The following CRISPLD2 variants were observed in gnomAD, a reference collection of about 807,000 sequenced individuals.
The protein encoded by CRISPLD2 is cysteine-rich secretory protein LCCL domain-containing 2.
In CRISPLD2, 47 loss-of-function variants were observed where a neutral mutation model predicts 71.1. The observed-to-expected ratio is 0.66, with a 90% CI of 0.52 to 0.84. The LOEUF (loss-of-function observed/expected upper bound fraction) is 0.84. Ranked by LOEUF, CRISPLD2 falls within the 40% of genes least tolerant of loss-of-function variation. CRISPLD2 has a pLI of 0.00. For synonymous variants in CRISPLD2, 317 were observed against 250.1 expected (o/e 1.27, Z -2.52); for missense variants, 830 against 651.1 (o/e 1.27, Z -2.99).
chr16:84,884,951 C>T (rs1000259088), intron 13 of CRISPLD2, among the ~76,000 whole-genome samples: 3 of 152,210 alleles, frequency 2.0e-5, no homozygotes, highest in Non-Finnish European at 4.4e-5. Flanking sequence ...TCCTGGCGTT[C>T]CACTGGGAAA....
intron 14 of CRISPLD2, among the ~76,000 whole-genome samples, chr16:84,901,722 C>T (rs1050634417): frequency 1.6e-4 from 24 of 150,892 alleles, no homozygotes; most frequent in African/African-American, 5.9e-4. Flanking sequence ...AAGTGATCCA[C>T]CTGCCTCAAC....
At chr16:84,883,390 A>G (rs1705700080) in intron 13 of CRISPLD2, among the ~76,000 whole-genome samples, 1 of 152,212 alleles carries the variant, frequency 6.6e-6, no homozygotes, top group Non-Finnish European at 1.5e-5. Context: ...TGAGCTGCAG[A>G]CAGAAGCATC....
intron 1 of CRISPLD2, among the ~76,000 whole-genome samples, chr16:84,823,238 C>T (rs939169906): frequency 7.2e-5 from 11 of 152,156 alleles, no homozygotes; most frequent in Admixed American, 2.6e-4. Flanking sequence ...TAATAGACCA[C>T]GTTTTGTTTA....
intron 13 of CRISPLD2, among the ~76,000 whole-genome samples, chr16:84,885,367 C>T (rs913256732): frequency 2.0e-5 from 3 of 152,232 alleles, no homozygotes; most frequent in Non-Finnish European, 2.9e-5. Flanking sequence ...TAGTCTTTAG[C>T]AGGGCACAAA....
chr16:84,850,439 T>A (rs1917053597), intron 4 of CRISPLD2, 129 bp from the exon 5 acceptor site: 1 of 712,600 alleles, frequency 1.4e-6, no homozygotes, highest in Non-Finnish European at 2.5e-6. Flanking sequence ...GGTTAGGGAC[T>A]AATATCTGCT....
At position 84,885,417 on chromosome 16, in the gene CRISPLD2, AG is replaced by A. The variant is rs562151038; in HGVS notation, c.1306-3808del. On this transcript the variant is annotated intron_variant, in intron 13 of 14. Coordinates refer to ENST00000262424, the MANE Select transcript of CRISPLD2 (RefSeq NM_031476.4). ...GAGAAGTTGTGGATCTTTCCTCCAA[AG>A]GGGGAAAATGCGTCCTGGTTCAGAC... 3.7e-4 allele frequency among the ~76,000 whole-genome samples: 56 copies of A among 152,280 alleles called. 1 individual carries two copies. The highest frequency in any genetic ancestry group is 1.0e-4 in the Non-Finnish European group (7 of 68,020).
chr16:84,855,880 T>C (rs1034927145), intron 6 of CRISPLD2, among the ~76,000 whole-genome samples: 3 of 152,242 alleles, frequency 2.0e-5, no homozygotes, highest in Non-Finnish European at 2.9e-5. Flanking sequence ...AATGCTGATA[T>C]GAAGTTAATA....
chr16:84,826,420 A>T (rs1202689309), intron 1 of CRISPLD2, among the ~76,000 whole-genome samples: 1 of 152,232 alleles, frequency 6.6e-6, no homozygotes. Flanking sequence ...CCTCCTTCAG[A>T]GCACGTTTCA....
intron 11 of CRISPLD2, among the ~76,000 whole-genome samples, chr16:84,876,752 G>A (rs2244342): frequency 0.47 from 71,039 of 151,328 alleles, 19,271 homozygotes; most frequent in African/African-American, 0.75. Context: ...AGATCGTGCC[G>A]TTTCACTCCA....
At chr16:84,837,268 A>C (rs746678489) in intron 1 of CRISPLD2, among the ~76,000 whole-genome samples, 2 of 151,930 alleles carry the variant, frequency 1.3e-5, no homozygotes, top group Non-Finnish European at 2.9e-5. Flanking sequence ...AATGGAGGGG[A>C]GGTAGTTGGC....
Position 84,838,423 on chromosome 16 carries a change from G to A in CRISPLD2, c.-73G>A. ...CCACCACCCTCTGCTTCCTTTCAGAGCTCAAGCGCCCAGCTCTGCCCGAGG... is the reference window on the plus strand; with the variant it reads ...CCACCACCCTCTGCTTCCTTTCAGAACTCAAGCGCCCAGCTCTGCCCGAGG... On this transcript the variant is annotated splice_region_variant and 5_prime_UTR_variant, in exon 2 of 15. Coordinates refer to ENST00000262424, the MANE Select transcript of CRISPLD2 (RefSeq NM_031476.4). The A allele has an allele frequency of 1.3e-6, 2 of 1,555,650 alleles. No homozygotes were observed. The highest frequency in any genetic ancestry group is 1.7e-6 in the Non-Finnish European group (2 of 1,149,946).
intron 11 of CRISPLD2, among the ~76,000 whole-genome samples, chr16:84,876,474 C>G (rs578178730): frequency 2.0e-5 from 3 of 152,074 alleles, no homozygotes; most frequent in Admixed American, 1.3e-4. Flanking sequence ...GGCACTCCAG[C>G]CTGGGCGACA....
intron 7 of CRISPLD2, among the ~76,000 whole-genome samples, chr16:84,868,555 T>C (rs1463846554): frequency 6.6e-6 from 1 of 152,198 alleles, no homozygotes; most frequent in Non-Finnish European, 1.5e-5. Flanking sequence ...ACTTTCTCTC[T>C]CAAGGTTCAC....
intron 14 of CRISPLD2, among the ~76,000 whole-genome samples, chr16:84,902,140 G>A (rs1010094376): frequency 2.0e-5 from 3 of 151,958 alleles, no homozygotes; most frequent in Admixed American, 6.6e-5. Context: ...TCTACAAGGC[G>A]CCATGCTGCC....
chr16:84,865,690 A>C (rs1917517272), intron 6 of CRISPLD2, among the ~76,000 whole-genome samples: 2 of 152,176 alleles, frequency 1.3e-5, no homozygotes, highest in Admixed American at 6.5e-5. Flanking sequence ...GTCTTTGATC[A>C]GGCCGCTCAG....
chr16:84,839,386 C>A lies in CRISPLD2; in HGVS notation c.240+651C>A, dbSNP rs535135122. 21 of 202,236 alleles carry A rather than the reference C, an allele frequency of 1.0e-4. No individual in the cohort carries two copies. In the South Asian group the frequency reaches 1.7e-3, roughly 16 times the overall value. 12.5% of individuals were successfully genotyped at this position (202,236 alleles called of 1,614,324 possible). A position where few individuals can be genotyped will look rare whatever the true frequency, so the allele number is the denominator to read the frequency against. ...TCAGCTGTGCCACACGCTAGCTGCA[C>A]CACCCTGACTTCTCCTTAGCCCGTG... On this transcript the variant is annotated intron_variant, in intron 2 of 14. Transcript: ENST00000262424.
At chr16:84,884,862 CA>C (rs1445207503) in intron 13 of CRISPLD2, among the ~76,000 whole-genome samples, 2 of 152,326 alleles carry the variant, frequency 1.3e-5, no homozygotes, top group Admixed American at 1.3e-4. Flanking sequence ...AACCTCTTGG[CA>C]GCTCTCAACC....
chr16:84,862,774 G>C (rs1917421871), intron 6 of CRISPLD2, among the ~76,000 whole-genome samples: 1 of 151,532 alleles, frequency 6.6e-6, no homozygotes, highest in South Asian at 2.1e-4. Flanking sequence ...AGGGAAGGGT[G>C]GGGTAGATGT....
At chr16:84,887,610 C>G (rs1597480311) in intron 13 of CRISPLD2, among the ~76,000 whole-genome samples, 2 of 152,258 alleles carry the variant, frequency 1.3e-5, no homozygotes, top group Non-Finnish European at 1.5e-5. Context: ...GGCGCGGCGG[C>G]TCACGCCTGT....
Sources: gnomAD v4.1 joint callset for allele counts (sites outside exome capture counted in the v4.1 genomes callset) on GRCh38, gnomAD v4.1.1 for gene constraint, MANE v1.5 for transcripts, NCBI Gene and HGNC (gene_info 2026-07-23, HGNC 2026-07-21) for gene names.